Variants in NCKAP5 observed in about 807,000 individuals in gnomAD.
NCKAP5 encodes NCK associated protein 5, also known as nck-associated protein 5.
In NCKAP5, 92 loss-of-function variants were observed where a neutral mutation model predicts 167.0. The ratio of observed to expected loss-of-function variants is 0.55; its 90% confidence interval spans 0.47 to 0.66. The LOEUF (loss-of-function observed/expected upper bound fraction) is 0.66. Among genes scored for constraint, NCKAP5 ranks in the 30% least tolerant of loss-of-function variants. NCKAP5 has a pLI of 0.00. For synonymous variants in NCKAP5, 891 were observed against 877.4 expected, an observed-to-expected ratio of 1.02 and a Z score of -0.27; for missense variants, 2,378 against 2,315.0, an observed-to-expected ratio of 1.03 and a Z score of -0.56.
chr2:133,503,391 T>C (rs764594788), intron 3 of NCKAP5, among the ~76,000 whole-genome samples: 1 of 152,178 alleles, frequency 6.6e-6, no homozygotes, highest in African/African-American at 2.4e-5. Context: ...ATCTGATCCT[T>C]ATATAAGCCC....
intron 11 of NCKAP5, among the ~76,000 whole-genome samples, chr2:132,847,495 T>C (rs1294471398): frequency 6.6e-6 from 1 of 152,210 alleles, no homozygotes; most frequent in African/African-American, 2.4e-5. Flanking sequence ...GCCTTTTCTA[T>C]ATATATTGTT....
At chr2:133,636,352 TG>T in the NCKAP5 span, among the ~76,000 whole-genome samples, 1 of 152,108 alleles carries the variant, frequency 6.6e-6, no homozygotes, top group Non-Finnish European at 1.5e-5. Context: ...TGACAATGAC[TG>T]GTCATGCAAA....
intron 19 of NCKAP5, among the ~76,000 whole-genome samples, chr2:132,702,056 A>G (rs1406118704): frequency 6.6e-6 from 1 of 152,192 alleles, no homozygotes; most frequent in Non-Finnish European, 1.5e-5. Flanking sequence ...TCTCCAATTA[A>G]GTGAACCACA....
chr2:133,120,034 C>G (rs539559480), intron 6 of NCKAP5, among the ~76,000 whole-genome samples: 1 of 152,194 alleles, frequency 6.6e-6, no homozygotes, highest in East Asian at 1.9e-4. Flanking sequence ...TATTATAAAA[C>G]ACAACTGCTA....
intron 9 of NCKAP5, among the ~76,000 whole-genome samples, chr2:132,869,631 G>C (rs1003056328): frequency 2.0e-5 from 3 of 152,080 alleles, no homozygotes; most frequent in African/African-American, 7.2e-5. Context: ...AGCCATTCTT[G>C]TAGCAAAATG....
At chr2:133,195,460 T>A (rs557205689) in intron 5 of NCKAP5, among the ~76,000 whole-genome samples, 1 of 152,254 alleles carries the variant, frequency 6.6e-6, no homozygotes, top group South Asian at 2.1e-4. Context: ...GCTTTCCTCT[T>A]AATTCATTCT....
chr2:133,488,254 G>C (rs1681086367), intron 3 of NCKAP5, among the ~76,000 whole-genome samples: 1 of 152,036 alleles, frequency 6.6e-6, no homozygotes, highest in Admixed American at 6.5e-5. Context: ...CAGGTCCCTT[G>C]ACCTCCTGAA....
chr2:133,113,546 C>T (rs2081982189), intron 6 of NCKAP5, among the ~76,000 whole-genome samples: 1 of 152,236 alleles, frequency 6.6e-6, no homozygotes, highest in Admixed American at 6.5e-5. Flanking sequence ...CCTCCTCTAG[C>T]CATCCCCTTC....
At chr2:133,091,169 G>A (rs562479753) in intron 6 of NCKAP5, among the ~76,000 whole-genome samples, 13 of 152,250 alleles carry the variant, frequency 8.5e-5, no homozygotes, top group Middle Eastern at 3.4e-3. Flanking sequence ...TCCTGTACAT[G>A]CCTGTGGAAC....
At chr2:133,404,082 G>A (rs531484133) in intron 3 of NCKAP5, among the ~76,000 whole-genome samples, 2 of 152,178 alleles carry the variant, frequency 1.3e-5, no homozygotes, top group African/African-American at 4.8e-5. Context: ...CAGCTATAGT[G>A]TCTCAGCTTC....
chr2:133,631,508 G>GT, the NCKAP5 span, among the ~76,000 whole-genome samples: 3 of 152,218 alleles, frequency 2.0e-5, no homozygotes, highest in Non-Finnish European at 2.9e-5. Context: ...AAATGGCCAT[G>GT]TACCTTCAAA....
intron 11 of NCKAP5, among the ~76,000 whole-genome samples, chr2:132,797,873 G>A (rs999392972): frequency 6.6e-6 from 1 of 152,162 alleles, no homozygotes; most frequent in Non-Finnish European, 1.5e-5. Context: ...ACTTCTGTGA[G>A]AGCCCTGAGT....
rs1684835336 is a variant in NCKAP5, at chr2:133,525,962, TAAC to T, written c.-61-8378_-61-8376del. Among the ~76,000 whole-genome samples, 3 of 152,066 alleles carry T rather than the reference TAAC, an allele frequency of 2.0e-5. No homozygotes were observed. The South Asian group carries it at 6.2e-4, about 31-fold the overall frequency. On this transcript the variant is annotated intron_variant, in intron 2 of 19. Coordinates refer to ENST00000409261, the MANE Select transcript of NCKAP5 (RefSeq NM_207363.3). ...ATTAAGATAATAATAAAAATCCCCTTAACAACGTAACTCTGGGGATTAAAATGA... is the reference window on the plus strand; with the variant it reads ...ATTAAGATAATAATAAAAATCCCCTTAACGTAACTCTGGGGATTAAAATGA...
At chr2:133,594,126 C>A in the NCKAP5 span, among the ~76,000 whole-genome samples, 1 of 152,200 alleles carries the variant, frequency 6.6e-6, no homozygotes, top group Non-Finnish European at 1.5e-5. Context: ...GTGGAGCCCA[C>A]GCTTCTTTGA....
chr2:133,389,796 A>G lies in NCKAP5; in HGVS notation c.70-86686T>C, dbSNP rs138094545. Among the ~76,000 whole-genome samples the G allele has an allele frequency of 2.7e-3, 407 of 152,242 alleles. 1 individual carries two copies. The highest frequency in any genetic ancestry group is 9.1e-3 in the African/African-American group (380 of 41,532). On this transcript the variant is annotated intron_variant, in intron 3 of 19. Coordinates refer to ENST00000409261, the MANE Select transcript of NCKAP5 (RefSeq NM_207363.3). ...CCCTCTCCTTTGCCAGAAGACTCCA[A>G]TGTTGAGCAATGAACTCAATTCTTT... is the stretch of plus-strand genomic sequence containing the variant.
the NCKAP5 span, among the ~76,000 whole-genome samples, chr2:133,643,140 T>C: frequency 6.6e-6 from 1 of 152,232 alleles, no homozygotes; most frequent in Non-Finnish European, 1.5e-5. Context: ...ACTTTATCAT[T>C]GTTAATTGTC....
intron 11 of NCKAP5, among the ~76,000 whole-genome samples, chr2:132,803,698 A>C (rs963175403): frequency 2.0e-5 from 3 of 152,212 alleles, no homozygotes; most frequent in Admixed American, 1.3e-4. Context: ...ATGAGGATGA[A>C]AACAGCAGAC....
chr2:132,952,869 C>G (rs2076230533), intron 8 of NCKAP5, among the ~76,000 whole-genome samples: 1 of 152,194 alleles, frequency 6.6e-6, no homozygotes, highest in South Asian at 2.1e-4. Context: ...TTTGCAGCGC[C>G]ACTTGGCGTG....
chr2:133,674,143 AT>A, the NCKAP5 span, among the ~76,000 whole-genome samples: 2 of 152,172 alleles, frequency 1.3e-5, no homozygotes, highest in Non-Finnish European at 2.9e-5. Context: ...TCTCCAGTGA[AT>A]ATCAGAATAA....
Sources: gnomAD v4.1 joint callset for allele counts (sites outside exome capture counted in the v4.1 genomes callset) on GRCh38, gnomAD v4.1.1 for gene constraint, MANE v1.5 for transcripts, NCBI Gene and HGNC (gene_info 2026-07-23, HGNC 2026-07-21) for gene names.